NAV2: variants seen among roughly 807,000 people sequenced by gnomAD.
NAV2 encodes the protein helicase, APC down-regulated 1.
A neutral mutation model predicts 223.2 loss-of-function variants in NAV2; 54 were observed. The observed-to-expected ratio is 0.24, with a 90% confidence interval of 0.19 to 0.30. The LOEUF is 0.30. Ranked by LOEUF, NAV2 falls within the 10% of genes least tolerant of loss-of-function variation. The pLI is 1.00. For synonymous variants in NAV2, 1,279 were observed against 1,239.3 expected, an observed-to-expected ratio of 1.03 and a Z score of -0.67; for missense variants, 2,806 against 3,147.5, an observed-to-expected ratio of 0.89 and a Z score of 2.60.
rs1370041675 is a variant in NAV2 at position 19,998,023 on chromosome 11, C to G, written c.2768+13776C>G. ...ATAAGCTCCTAGGTATGGTCTCCCC[C>G]AAGACTGAGAGGAAGGAAGCAGAAC... On this transcript the variant is annotated intron_variant, in intron 11 of 37. Coordinates refer to ENST00000349880, the MANE Select transcript of NAV2 (RefSeq NM_145117.5). This position sits in a 1 kb window ranked among gnomAD's most constrained non-coding sequence, Gnocchi z 5.0. Among the ~76,000 whole-genome samples the G allele has an allele frequency of 6.6e-6, 1 of 152,116 alleles. No individual in the cohort carries two copies. The highest frequency in any genetic ancestry group is 1.5e-5 in the Non-Finnish European group (1 of 68,014).
At chr11:19,401,705 G>A (rs1423978479) in intron 1 of NAV2, among the ~76,000 whole-genome samples, 2 of 152,186 alleles carry the variant, frequency 1.3e-5, no homozygotes, top group Admixed American at 1.3e-4. Context: ...ATTCTTCTGA[G>A]CGTGAGCATG....
intron 6 of NAV2, among the ~76,000 whole-genome samples, chr11:19,901,106 A>G (rs1461222195): frequency 6.6e-6 from 1 of 152,246 alleles, no homozygotes; most frequent in East Asian, 1.9e-4. Flanking sequence ...TGCTAAAAAG[A>G]CAAATCCCCA....
intron 1 of NAV2, among the ~76,000 whole-genome samples, chr11:19,580,718 T>G (rs1049409500): frequency 1.3e-5 from 2 of 152,246 alleles, no homozygotes; most frequent in African/African-American, 4.8e-5. Flanking sequence ...TCCACTTTTT[T>G]GCTATTATGG....
chr11:19,747,771 C>T (rs1364733745), intron 1 of NAV2, among the ~76,000 whole-genome samples: 3 of 152,176 alleles, frequency 2.0e-5, no homozygotes, highest in Non-Finnish European at 2.9e-5. Flanking sequence ...AGTTGGGCTA[C>T]ACTATTTACT....
At chr11:19,921,111 C>G (rs1035671870) in intron 6 of NAV2, among the ~76,000 whole-genome samples, 3 of 152,012 alleles carry the variant, frequency 2.0e-5, no homozygotes, top group Admixed American at 6.6e-5. Flanking sequence ...GTGAAAAGGC[C>G]CAGAAATCTA....
chr11:20,067,673 T>TG (rs1382369801), intron 20 of NAV2, among the ~76,000 whole-genome samples: 13 of 148,478 alleles, frequency 8.8e-5, no homozygotes, highest in African/African-American at 3.3e-4. Context: ...GTATTTTTAG[T>TG]AGAGATGGGT....
intron 1 of NAV2, among the ~76,000 whole-genome samples, chr11:19,565,140 C>T (rs1041419980): frequency 9.9e-5 from 15 of 150,806 alleles, no homozygotes; most frequent in African/African-American, 3.5e-4. Context: ...CCTGCCCCCT[C>T]TCCAGAAAAA....
intron 11 of NAV2, among the ~76,000 whole-genome samples, chr11:19,995,448 T>C (rs1356131090): frequency 6.6e-6 from 1 of 152,202 alleles, no homozygotes; most frequent in Non-Finnish European, 1.5e-5. Context: ...CCCCCTCTTG[T>C]GCAGGCAGCA....
chr11:19,901,881 AG>A (rs1451561188), intron 6 of NAV2, among the ~76,000 whole-genome samples: 1 of 152,192 alleles, frequency 6.6e-6, no homozygotes, highest in Non-Finnish European at 1.5e-5. Context: ...CTAAGCTAAC[AG>A]ATTCTTCCTT....
intron 31 of NAV2, among the ~76,000 whole-genome samples, chr11:20,098,939 T>A (rs1248647498): frequency 6.6e-6 from 1 of 152,226 alleles, no homozygotes; most frequent in African/African-American, 2.4e-5. Context: ...ACCTGGTTGA[T>A]GAAATGGCCC....
chr11:19,772,177 C>G (rs2055769522), intron 1 of NAV2, among the ~76,000 whole-genome samples: 1 of 152,086 alleles, frequency 6.6e-6, no homozygotes, highest in South Asian at 2.1e-4. Context: ...CTGGGTACCC[C>G]CAGAGAAGGA....
Position 19,761,620 on chromosome 11 carries a change from G to A in NAV2, c.267+47658G>A, listed in dbSNP as rs140423856. Among the ~76,000 whole-genome samples the A allele has an allele frequency of 2.6e-3, 393 of 152,286 alleles. 2 individuals carry two copies. Among genetic ancestry groups the A allele is most frequent in the African/African-American group, 9.1e-3 (377 of 41,556 alleles). ...AGTGTCACTGCAGCCTCATGAGTTC[G>A]TGGCTGTTTCAGCTTTACACCCAGC... is the stretch of plus-strand genomic sequence containing the variant. On this transcript the variant is annotated intron_variant, in intron 1 of 37. Transcript: ENST00000349880.
chr11:19,358,244 C>T (rs1264116771), intron 1 of NAV2, among the ~76,000 whole-genome samples: 3 of 152,160 alleles, frequency 2.0e-5, no homozygotes, highest in African/African-American at 7.2e-5. Context: ...TTTTACAACG[C>T]AGCTTCTTCC....
At chr11:19,729,468 G>A (rs1590205548) in intron 1 of NAV2, among the ~76,000 whole-genome samples, 1 of 152,204 alleles carries the variant, frequency 6.6e-6, no homozygotes, top group Admixed American at 6.5e-5. Context: ...GAAATATAAT[G>A]AACCCAAGGC....
chr11:19,741,974 G>T (rs936722668), intron 1 of NAV2, among the ~76,000 whole-genome samples: 5 of 151,314 alleles, frequency 3.3e-5, no homozygotes, highest in Admixed American at 6.6e-5. Flanking sequence ...GTGTTCAGGG[G>T]TTACCTTTTC....
At chr11:19,433,235 G>A (rs1851097965) in intron 1 of NAV2, among the ~76,000 whole-genome samples, 1 of 152,164 alleles carries the variant, frequency 6.6e-6, no homozygotes, top group Non-Finnish European at 1.5e-5. Context: ...GTTTGTGGAG[G>A]TCAGTTTCAG....
chr11:19,751,728 A>T (rs1231633940), intron 1 of NAV2, among the ~76,000 whole-genome samples: 1 of 152,090 alleles, frequency 6.6e-6, no homozygotes, highest in Non-Finnish European at 1.5e-5. Context: ...CAAAGCACGT[A>T]TTTGCTTTTT....
At position 20,103,250 on chromosome 11, in the gene NAV2, C is replaced by G. The variant is rs2061768071; in HGVS notation, c.6418-5C>G. ...GTTCTCCTTCGGCCTTCCTGGCCAC[C>G]ATAGGAATTGCGCCAGTACCTGTCC... is the stretch of plus-strand genomic sequence containing the variant. On this transcript the variant is annotated splice_region_variant and splice_polypyrimidine_tract_variant and intron_variant, in intron 32 of 37. Transcript: ENST00000349880. 1 of 1,610,024 alleles carries G rather than the reference C, an allele frequency of 6.2e-7. No individual in the cohort carries two copies. The highest frequency in any genetic ancestry group is 1.3e-5 in the African/African-American group (1 of 74,868).
At chr11:19,592,976 C>T (rs1017630277) in intron 1 of NAV2, among the ~76,000 whole-genome samples, 1 of 152,152 alleles carries the variant, frequency 6.6e-6, no homozygotes, top group African/African-American at 2.4e-5. Context: ...AATTATAGTA[C>T]AGTTTCAGAA....
Sources: allele counts gnomAD v4.1 joint callset (sites outside exome capture counted in the v4.1 genomes callset), GRCh38; gene constraint gnomAD v4.1.1; non-coding constraint Gnocchi (gnomAD v3.1); transcripts MANE v1.5; gene names NCBI Gene and HGNC (gene_info 2026-07-23, HGNC 2026-07-21).